Variants in NEO1 observed in about 807,000 individuals in gnomAD.
The protein encoded by NEO1 is neogenin.
NEO1 carries 63 observed loss-of-function variants against 159.7 expected under a neutral mutation model. That is an observed-to-expected ratio of 0.39 (90% CI 0.32 to 0.49). NEO1 has a LOEUF of 0.49. Ranked by LOEUF, NEO1 falls within the 20% of genes least tolerant of loss-of-function variation. The probability of loss-of-function intolerance (pLI) is 0.85; values close to 1 mark genes in which losing one functional copy is unlikely to be tolerated. For missense variants in NEO1, 1,615 were observed against 1,831.0 expected (o/e 0.88, Z 2.15); for synonymous variants, 633 against 662.0 (o/e 0.96, Z 0.67).
At position 73,097,776 on chromosome 15, in the gene NEO1, C is replaced by CTTTTTTTTTTTTTTTTTTTTT. The variant is rs34165169; in HGVS notation, c.131-18762_131-18742dup. On this transcript the variant is annotated intron_variant, in intron 1 of 28. Coordinates refer to ENST00000261908, the MANE Select transcript of NEO1 (RefSeq NM_002499.4). ...TTCTAATCCCAGACCTGGAACTAGC[C>CTTTTTTTTTTTTTTTTTTTTT]TTTTTTTTTTTTTTTTTTTTTTGTA... Among the ~76,000 whole-genome samples, 27 of 75,540 alleles carry CTTTTTTTTTTTTTTTTTTTTT rather than the reference C, an allele frequency of 3.6e-4. 1 individual carries two copies. The highest frequency in any genetic ancestry group is 1.0e-3 in the African/African-American group (12 of 11,934). 49.6% of individuals were successfully genotyped at this position (75,540 alleles called of 152,430 possible). A position where few individuals can be genotyped will look rare whatever the true frequency, so the allele number is the denominator to read the frequency against.
In NEO1 at chr15:73,178,305, A is replaced by T. The variant is rs1230964146; in HGVS notation, c.1171-2A>T. 6.2e-7 allele frequency: 1 copy of T among 1,610,400 alleles called. No homozygotes were observed. The highest frequency in any genetic ancestry group is 2.2e-5 in the East Asian group (1 of 44,790). ...AATTTTATTTATGCTTTTCTTCTTC[A>T]GAAGGAACATAATCTTCAAGTTTTG... On this transcript the variant is annotated splice_acceptor_variant, in intron 6 of 28. Coordinates refer to ENST00000261908, the MANE Select transcript of NEO1 (RefSeq NM_002499.4). LOFTEE classifies it high-confidence loss of function.
In NEO1 at chr15:73,076,527, T is replaced by C. The variant is rs552332481; in HGVS notation, c.130+23722T>C. On this transcript the variant is annotated intron_variant, in intron 1 of 28. Transcript: ENST00000261908. Reference sequence around the variant, plus strand: ...TTTCAGTAAGTATTGGTTGTATAGATAAATAGAAGGTACTGACAGTAAGCA... The same window carrying C: ...TTTCAGTAAGTATTGGTTGTATAGACAAATAGAAGGTACTGACAGTAAGCA... Among the ~76,000 whole-genome samples the C allele has an allele frequency of 5.9e-5, 9 of 152,312 alleles. No homozygotes were observed. In the East Asian group the frequency reaches 1.7e-3, roughly 29 times the overall value.
At chr15:73,151,319 A>G (rs1337520371) in intron 5 of NEO1, among the ~76,000 whole-genome samples, 1 of 152,208 alleles carries the variant, frequency 6.6e-6, no homozygotes, top group Non-Finnish European at 1.5e-5. Context: ...TATTAAAACT[A>G]ATTCTTAAAG....
chr15:73,060,877 T>C (rs2067944016), intron 1 of NEO1, among the ~76,000 whole-genome samples: 2 of 151,754 alleles, frequency 1.3e-5, no homozygotes, highest in South Asian at 4.2e-4. Context: ...CTCAAACTCC[T>C]AGACTCAAGC....
At chr15:73,242,105 C>T (rs2039517565) in intron 8 of NEO1, among the ~76,000 whole-genome samples, 1 of 151,940 alleles carries the variant, frequency 6.6e-6, no homozygotes, top group Non-Finnish European at 1.5e-5. Context: ...TAAAATAGTC[C>T]CCCTCCTGTG....
In NEO1 at chr15:73,270,171, A is replaced by G. The variant is rs115899817; in HGVS notation, c.2656A>G (p.Thr886Ala). The change falls in exon 17 of 29, where the codon ACA (threonine) becomes GCA (alanine). Residue 886 changes from threonine to alanine, a missense_variant. Transcript: ENST00000261908. The stretch of plus-strand genomic sequence containing the variant: ...CTCGCTGCCCAAGCACCAGAAGATT[A>G]CAGACTCCCGATACTACACCGTCCG... ...DNSLPKHQKITDSRYYTVRWK... is the reference protein window; with the variant it reads ...DNSLPKHQKIADSRYYTVRWK... 4.0e-4 allele frequency: 639 copies of G among 1,614,100 alleles called. 3 individuals are homozygous for G. In the African/African-American group the frequency reaches 7.8e-3, roughly 20 times the overall value.
At chr15:73,061,907 T>C (rs1215347306) in intron 1 of NEO1, among the ~76,000 whole-genome samples, 2 of 152,246 alleles carry the variant, frequency 1.3e-5, no homozygotes, top group African/African-American at 4.8e-5. Context: ...TTGTATTTTC[T>C]GGATATATCA....
At chr15:73,170,498 T>G (rs981636681) in intron 5 of NEO1, among the ~76,000 whole-genome samples, 3 of 152,076 alleles carry the variant, frequency 2.0e-5, no homozygotes, top group Non-Finnish European at 4.4e-5. Flanking sequence ...TCCAATAGAG[T>G]CATGTGAAAA....
intron 7 of NEO1, among the ~76,000 whole-genome samples, chr15:73,230,784 G>A (rs1438411295): frequency 1.3e-5 from 2 of 152,170 alleles, no homozygotes; most frequent in Admixed American, 6.5e-5. Context: ...TAGAGATGGG[G>A]TCTCACTATG....
intron 15 of NEO1, among the ~76,000 whole-genome samples, chr15:73,262,781 A>G (rs958948759): frequency 2.7e-4 from 41 of 152,210 alleles, no homozygotes; most frequent in Non-Finnish European, 3.8e-4. Flanking sequence ...CTTATATACA[A>G]TGTTCATAGT....
chr15:73,116,972 T>C, intron 2 of NEO1, 115 bp downstream of exon 2: 2 of 803,194 alleles, frequency 2.5e-6, no homozygotes, highest in Non-Finnish European at 3.8e-6. Context: ...ATATACTCAT[T>C]TAACAGATAT....
intron 7 of NEO1, among the ~76,000 whole-genome samples, chr15:73,196,228 G>A (rs2036525083): frequency 6.6e-6 from 1 of 152,142 alleles, no homozygotes; most frequent in African/African-American, 2.4e-5. Flanking sequence ...TTGATGTCAG[G>A]AAAAAGTCAG....
At chr15:73,073,418 G>C (rs1315180685) in intron 1 of NEO1, among the ~76,000 whole-genome samples, 4 of 152,030 alleles carry the variant, frequency 2.6e-5, no homozygotes. Context: ...GAATGTAGTG[G>C]TTGAGGTCTC....
At chr15:73,098,955 C>G (rs1184680374) in intron 1 of NEO1, among the ~76,000 whole-genome samples, 1 of 152,144 alleles carries the variant, frequency 6.6e-6, no homozygotes, top group Non-Finnish European at 1.5e-5. Context: ...TTGTATCTCA[C>G]TGTAGTTTTA....
chr15:73,244,982 A>AAAAAAAAAAAAC, intron 9 of NEO1, among the ~76,000 whole-genome samples: 1 of 148,432 alleles, frequency 6.7e-6, no homozygotes, highest in Non-Finnish European at 1.5e-5. Flanking sequence ...AAAAAAAAAA[A>AAAAAAAAAAAAC]ACAACAGCAA....
intron 5 of NEO1, among the ~76,000 whole-genome samples, chr15:73,148,235 G>A (rs2033089757): frequency 6.6e-6 from 1 of 152,108 alleles, no homozygotes; most frequent in Non-Finnish European, 1.5e-5. Context: ...AAGAATCTTA[G>A]TAATTTTAAT....
chr15:73,179,164 A>G (rs1400261435), intron 7 of NEO1, among the ~76,000 whole-genome samples: 1 of 152,226 alleles, frequency 6.6e-6, no homozygotes, highest in Non-Finnish European at 1.5e-5. Flanking sequence ...GAGTTTTAAC[A>G]TAAGGAATTA....
chr15:73,116,719 C>T lies in NEO1; in HGVS notation c.310C>T (p.Leu104Phe), dbSNP rs763855420. ...AGTATCAGATGATCGACGCCAGCTT[C>T]TCCCGGATGGATCTTTATTTATCAG... ...NLVSDDRRQL[L>F]PDGSLFISNV... The change falls in exon 2 of 29, where the codon CTC (leucine) becomes TTC (phenylalanine). Residue 104 changes from leucine to phenylalanine, a missense_variant. Leu to Phe is a conservative substitution (Grantham distance 22). Transcript: ENST00000261908. The T allele has an allele frequency of 1.2e-6, 2 of 1,613,974 alleles. No individual in the cohort carries two copies. Among genetic ancestry groups the T allele is most frequent in the Middle Eastern group, 1.7e-4 (1 of 6,060 alleles).
At chr15:73,206,173 C>T (rs548300480) in intron 7 of NEO1, among the ~76,000 whole-genome samples, 2 of 152,146 alleles carry the variant, frequency 1.3e-5, no homozygotes, top group Non-Finnish European at 2.9e-5. Flanking sequence ...TCCCAAAGTG[C>T]TGGGATTACA....
Sources: allele counts gnomAD v4.1 joint callset (sites outside exome capture counted in the v4.1 genomes callset), GRCh38; gene constraint gnomAD v4.1.1; transcripts MANE v1.5; gene names NCBI Gene and HGNC (gene_info 2026-07-23, HGNC 2026-07-21).